MED13L: variants seen among roughly 807,000 people sequenced by gnomAD.
MED13L encodes mediator complex subunit 13L.
A neutral mutation model predicts 220.9 loss-of-function variants in MED13L; 7 were observed. That is an observed-to-expected ratio of 0.03 (90% CI 0.02 to 0.06). The LOEUF (loss-of-function observed/expected upper bound fraction) is 0.06, where lower values mean the gene tolerates loss of function less well. Ranked by LOEUF, MED13L falls within the 10% of genes least tolerant of loss-of-function variation. The probability of loss-of-function intolerance (pLI) is 1.00; values close to 1 mark genes in which losing one functional copy is unlikely to be tolerated. For synonymous variants in MED13L, 1,011 were observed against 1,015.2 expected, an observed-to-expected ratio of 1.00 and a Z score of 0.08; for missense variants, 1,965 against 2,760.5, an observed-to-expected ratio of 0.71 and a Z score of 6.46.
chr12:116,267,536 A>G (rs1872922466), intron 1 of MED13L, among the ~76,000 whole-genome samples: 1 of 152,186 alleles, frequency 6.6e-6, no homozygotes, highest in South Asian at 2.1e-4. Context: ...AAGGTACTCA[A>G]AATGATTTTT....
chr12:115,993,015 A>T (rs1371364893), intron 16 of MED13L, among the ~76,000 whole-genome samples: 3 of 152,200 alleles, frequency 2.0e-5, no homozygotes, highest in Non-Finnish European at 4.4e-5. Context: ...AAAAAACAAC[A>T]GTTAAAAAAC....
At chr12:116,098,078 C>A (rs1872760590) in intron 3 of MED13L, among the ~76,000 whole-genome samples, 2 of 152,048 alleles carry the variant, frequency 1.3e-5, no homozygotes, top group Non-Finnish European at 2.9e-5. Context: ...AACCCCGTTT[C>A]TACTAAAAAT....
At chr12:116,073,746 T>A (rs1046395460) in intron 4 of MED13L, among the ~76,000 whole-genome samples, 21 of 152,200 alleles carry the variant, frequency 1.4e-4, no homozygotes, top group Non-Finnish European at 7.4e-5. Flanking sequence ...AACTAAATTT[T>A]TGAAATCTTC....
At chr12:116,076,787 T>C (rs1274796649) in intron 4 of MED13L, among the ~76,000 whole-genome samples, 2 of 152,184 alleles carry the variant, frequency 1.3e-5, no homozygotes, top group African/African-American at 4.8e-5. Context: ...TGGAATCACA[T>C]AATTCTAACA....
chr12:116,067,630 TC>T (rs1272092479), intron 4 of MED13L, among the ~76,000 whole-genome samples: 2 of 152,018 alleles, frequency 1.3e-5, no homozygotes, highest in Non-Finnish European at 2.9e-5. Flanking sequence ...TTATAAAGCA[TC>T]CCCCCAAAGT....
At chr12:116,253,753 G>GTTTTTT (rs746923184) in intron 1 of MED13L, among the ~76,000 whole-genome samples, 7 of 76,552 alleles carry the variant, frequency 9.1e-5, no homozygotes, top group East Asian at 4.1e-4. Context: ...GGTTTTTTTT[G>GTTTTTT]TTTTTTTTTT....
At chr12:116,037,872 A>G (rs1052983537) in intron 4 of MED13L, among the ~76,000 whole-genome samples, 2 of 152,166 alleles carry the variant, frequency 1.3e-5, no homozygotes, top group African/African-American at 4.8e-5. Context: ...CGGTAGTAAA[A>G]ACTAATATAA....
At chr12:116,165,228 A>C (rs892110194) in intron 2 of MED13L, among the ~76,000 whole-genome samples, 3 of 150,992 alleles carry the variant, frequency 2.0e-5, no homozygotes, top group African/African-American at 7.4e-5. Context: ...CCAAGATAGA[A>C]AGGGCTTAAG....
Position 115,991,325 on chromosome 12 carries a change from G to A in MED13L, c.3629C>T (p.Pro1210Leu), listed in dbSNP as rs1396197794. 6.2e-7 allele frequency: 1 copy of A among 1,614,024 alleles called. No homozygotes were observed. Among genetic ancestry groups the A allele is most frequent in the Admixed American group, 1.7e-5 (1 of 60,016 alleles). ...RLMMCQSTFL[P>L]QVEGTKKPQE... ...GGGTTTTTTGGTTCCTTCCACCTGA[G>A]GAAGGAAGGTGGACTGACACATCAT... Residue 1210 changes from proline (P) to leucine (L), a missense_variant, in exon 17 of 31, where the codon CCT (proline) becomes CTT (leucine). Coordinates refer to ENST00000281928, the MANE Select transcript of MED13L (RefSeq NM_015335.5). The surrounding 1 kb of genome is among the most constrained non-coding windows in gnomAD (Gnocchi z 7.7).
chr12:116,078,953 T>C (rs1368702117), intron 4 of MED13L, among the ~76,000 whole-genome samples: 3 of 152,208 alleles, frequency 2.0e-5, no homozygotes, highest in Non-Finnish European at 4.4e-5. Flanking sequence ...CAAGATATTA[T>C]TTATCTTTTT....
intron 4 of MED13L, among the ~76,000 whole-genome samples, chr12:116,050,220 G>C (rs1868375113): frequency 6.6e-6 from 1 of 152,150 alleles, no homozygotes; most frequent in South Asian, 2.1e-4. Flanking sequence ...ATATAGCACA[G>C]CTTTCCCAAT....
intron 2 of MED13L, among the ~76,000 whole-genome samples, chr12:116,125,070 A>G (rs1875461674): frequency 6.6e-6 from 1 of 152,262 alleles, no homozygotes; most frequent in Non-Finnish European, 1.5e-5. Flanking sequence ...AAAATAAAAC[A>G]ATTTGCACAT....
intron 1 of MED13L, among the ~76,000 whole-genome samples, chr12:116,252,663 T>C (rs190570168): frequency 5.3e-5 from 8 of 151,494 alleles, no homozygotes; most frequent in Admixed American, 5.3e-4. Flanking sequence ...AGAGAAGAAA[T>C]ATTAATAGAT....
intron 29 of MED13L, among the ~76,000 whole-genome samples, chr12:115,965,683 T>C (rs1477746811): frequency 6.6e-6 from 1 of 152,222 alleles, no homozygotes. Context: ...TACTCTTCTC[T>C]AATGAAGAAT....
intron 29 of MED13L, among the ~76,000 whole-genome samples, 167 bp from the exon 30 acceptor site, chr12:115,963,686 A>G (rs1196654483): frequency 6.6e-6 from 1 of 152,106 alleles, no homozygotes; most frequent in African/African-American, 2.4e-5. Context: ...GGTAATCCCA[A>G]ATAACTTCTT....
intron 2 of MED13L, among the ~76,000 whole-genome samples, chr12:116,137,877 A>G (rs1876703571): frequency 1.8e-5 from 2 of 110,942 alleles, no homozygotes; most frequent in East Asian, 2.7e-4. Flanking sequence ...TTTTTTTGAG[A>G]TGGAGTTTTG....
At chr12:116,067,759 G>T (rs540679830) in intron 4 of MED13L, among the ~76,000 whole-genome samples, 1 of 152,128 alleles carries the variant, frequency 6.6e-6, no homozygotes, top group Non-Finnish European at 1.5e-5. Flanking sequence ...AGACACTTGC[G>T]TATTCTCATC....
At chr12:116,120,473 T>TCACACACA (rs1411878434) in intron 2 of MED13L, among the ~76,000 whole-genome samples, 4 of 101,470 alleles carry the variant, frequency 3.9e-5, no homozygotes, top group East Asian at 3.4e-4. Context: ...TCTCTCTCTC[T>TCACACACA]CTCTCACACA....
At chr12:116,096,442 A>G (rs1353561732) in intron 4 of MED13L, among the ~76,000 whole-genome samples, 1 of 150,974 alleles carries the variant, frequency 6.6e-6, no homozygotes, top group African/African-American at 2.4e-5. Flanking sequence ...TCCAAATAGT[A>G]TAGTAATATG....
Sources: allele counts gnomAD v4.1 joint callset (sites outside exome capture counted in the v4.1 genomes callset), GRCh38; gene constraint gnomAD v4.1.1; non-coding constraint Gnocchi (gnomAD v3.1); transcripts MANE v1.5; gene names NCBI Gene and HGNC (gene_info 2026-07-23, HGNC 2026-07-21).